The following DLG2 variants were observed in gnomAD, a reference collection of about 807,000 sequenced individuals.
The protein encoded by DLG2 is disks large homolog 2.
DLG2 carries 45 observed loss-of-function variants against 132.5 expected under a neutral mutation model. That is an observed-to-expected ratio of 0.34 (90% CI 0.27 to 0.44). The LOEUF (loss-of-function observed/expected upper bound fraction) is 0.44. Ranked by LOEUF, DLG2 falls within the 20% of genes least tolerant of loss-of-function variation. DLG2 has a pLI of 1.00. For synonymous variants in DLG2, 424 were observed against 419.6 expected (o/e 1.01, Z -0.13); for missense variants, 1,045 against 1,196.9 (o/e 0.87, Z 1.87).
At chr11:85,070,964 T>C (rs554709616) in intron 6 of DLG2, among the ~76,000 whole-genome samples, 2 of 151,996 alleles carry the variant, frequency 1.3e-5, no homozygotes, top group East Asian at 1.9e-4. Context: ...GCTTGGACAC[T>C]GGAGTCAGTC....
At position 84,115,739 on chromosome 11, in the gene DLG2, T is replaced by TGG. The variant is rs1266141475; in HGVS notation, c.625-16693_625-16692insCC. 2.0e-5 allele frequency among the ~76,000 whole-genome samples: 3 copies of TGG among 152,212 alleles called. No individual in the cohort carries two copies. In the East Asian group the frequency reaches 5.8e-4, roughly 29 times the overall value. On this transcript the variant is annotated intron_variant, in intron 9 of 27. Coordinates refer to ENST00000376104, the MANE Select transcript of DLG2 (RefSeq NM_001142699.3). ...CTGCCCTGATAGCAACAAACTACTC[T>TGG]TCTCATTACCACCTTTGGTCACTTC... is the stretch of plus-strand genomic sequence containing the variant.
At chr11:83,639,919 A>C (rs1280123732) in intron 18 of DLG2, among the ~76,000 whole-genome samples, 2 of 152,162 alleles carry the variant, frequency 1.3e-5, no homozygotes, top group African/African-American at 4.8e-5. Context: ...TTCACATCAC[A>C]AAGTGGTTGT....
intron 6 of DLG2, among the ~76,000 whole-genome samples, chr11:84,985,991 CAAAAAAAAAAAA>C (rs71036455): frequency 6.8e-5 from 3 of 44,226 alleles, no homozygotes; most frequent in African/African-American, 3.0e-4. Context: ...GACTCCGTCT[CAAAAAAAAAAAA>C]AAAAAAAAAA....
At chr11:83,951,977 C>T (rs750678962) in intron 14 of DLG2, among the ~76,000 whole-genome samples, 18 of 151,770 alleles carry the variant, frequency 1.2e-4, no homozygotes, top group African/African-American at 1.7e-4. Context: ...ATATGAAAGG[C>T]GGAAAAAAAG....
intron 7 of DLG2, among the ~76,000 whole-genome samples, chr11:84,310,658 C>T (rs936910068): frequency 1.3e-5 from 2 of 152,148 alleles, no homozygotes; most frequent in African/African-American, 4.8e-5. Context: ...TTCTGTTTCC[C>T]TTACCTGGGG....
intron 5 of DLG2, among the ~76,000 whole-genome samples, chr11:85,126,416 TAATAAA>T (rs2075120760): frequency 6.6e-6 from 1 of 152,188 alleles, no homozygotes; most frequent in Admixed American, 6.5e-5. Flanking sequence ...ATGGAATACT[TAATAAA>T]AGAAAGTTAA....
chr11:83,994,004 C>T (rs1255918281), intron 11 of DLG2, among the ~76,000 whole-genome samples: 1 of 152,090 alleles, frequency 6.6e-6, no homozygotes, highest in Admixed American at 6.6e-5. Flanking sequence ...TTCACAAACG[C>T]CTGTATTCAG....
intron 9 of DLG2, among the ~76,000 whole-genome samples, chr11:84,160,547 G>T (rs533434879): frequency 1.3e-5 from 2 of 152,288 alleles, no homozygotes; most frequent in Admixed American, 1.3e-4. Context: ...AATTTTCTTA[G>T]ATTTTTGGTA....
At chr11:85,035,936 C>T (rs1443681945) in intron 6 of DLG2, among the ~76,000 whole-genome samples, 1 of 152,184 alleles carries the variant, frequency 6.6e-6, no homozygotes, top group Non-Finnish European at 1.5e-5. Context: ...AAGCAGGCTT[C>T]TCACTCTACT....
At chr11:84,665,024 T>A (rs111276634) in intron 6 of DLG2, among the ~76,000 whole-genome samples, 2 of 152,106 alleles carry the variant, frequency 1.3e-5, no homozygotes, top group Non-Finnish European at 2.9e-5. Flanking sequence ...CTTGCTTTTA[T>A]GTGCTGCCAT....
intron 6 of DLG2, among the ~76,000 whole-genome samples, chr11:84,942,329 T>C (rs929883035): frequency 6.6e-6 from 1 of 152,186 alleles, no homozygotes; most frequent in Non-Finnish European, 1.5e-5. Context: ...GTTGTTTATT[T>C]GAAGTTTTTC....
chr11:85,466,026 T>A (rs2153066847), intron 3 of DLG2, among the ~76,000 whole-genome samples: 1 of 152,322 alleles, frequency 6.6e-6, no homozygotes, highest in Non-Finnish European at 1.5e-5. Flanking sequence ...TATCTCATTG[T>A]GGTTTTGATT....
At chr11:84,224,740 T>TA (rs1171975730) in intron 8 of DLG2, among the ~76,000 whole-genome samples, 2 of 152,214 alleles carry the variant, frequency 1.3e-5, no homozygotes, top group Non-Finnish European at 2.9e-5. Flanking sequence ...CCATGCGCTC[T>TA]ACTGCTGCAG....
chr11:84,308,694 G>T (rs1375349344), intron 7 of DLG2, among the ~76,000 whole-genome samples: 1 of 152,150 alleles, frequency 6.6e-6, no homozygotes, highest in African/African-American at 2.4e-5. Flanking sequence ...CGGGGAGGCA[G>T]CTAAGGCCCG....
intron 3 of DLG2, among the ~76,000 whole-genome samples, chr11:85,293,905 A>G (rs1256925895): frequency 6.6e-6 from 1 of 152,110 alleles, no homozygotes; most frequent in Non-Finnish European, 1.5e-5. Context: ...AATGCCCCCA[A>G]CTATTCTCAA....
chr11:83,995,778 A>AGAAT (rs2093990409), intron 11 of DLG2, among the ~76,000 whole-genome samples: 1 of 152,196 alleles, frequency 6.6e-6, no homozygotes, highest in African/African-American at 2.4e-5. Context: ...CATAGGCAGA[A>AGAAT]GAATGAAACT....
intron 19 of DLG2, among the ~76,000 whole-genome samples, chr11:83,562,898 T>G (rs1481604572): frequency 6.6e-6 from 1 of 151,234 alleles, no homozygotes; most frequent in African/African-American, 2.4e-5. Context: ...TCTTTAAGAT[T>G]TCCCTAGTAG....
intron 7 of DLG2, among the ~76,000 whole-genome samples, chr11:84,293,315 T>C (rs2098034523): frequency 6.6e-6 from 1 of 152,132 alleles, no homozygotes; most frequent in Admixed American, 6.6e-5. Context: ...ATCTCAACTT[T>C]TTTTTTTAGA....
intron 6 of DLG2, among the ~76,000 whole-genome samples, chr11:85,016,077 C>T (rs575213934): frequency 1.3e-5 from 2 of 151,842 alleles, no homozygotes; most frequent in African/African-American, 4.8e-5. Context: ...TAGGTAAAAA[C>T]GTCATTGTCA....
Sources: gnomAD v4.1 joint callset for allele counts (sites outside exome capture counted in the v4.1 genomes callset) on GRCh38, gnomAD v4.1.1 for gene constraint, MANE v1.5 for transcripts, NCBI Gene and HGNC (gene_info 2026-07-23, HGNC 2026-07-21) for gene names.